The following COL14A1 variants were observed in gnomAD, a reference collection of about 807,000 sequenced individuals.
COL14A1 encodes the protein collagen alpha-1(XIV) chain.
COL14A1 carries 136 observed loss-of-function variants against 230.3 expected under a neutral mutation model. That is an observed-to-expected ratio of 0.59 (90% CI 0.51 to 0.68). COL14A1 has a LOEUF of 0.68. Ranked by LOEUF, COL14A1 falls within the 30% of genes least tolerant of loss-of-function variation. The pLI, the probability that COL14A1 is intolerant of heterozygous loss-of-function variation, is 0.00. For synonymous variants in COL14A1, 792 were observed against 784.1 expected, an observed-to-expected ratio of 1.01 and a Z score of -0.17; for missense variants, 1,976 against 2,215.8, an observed-to-expected ratio of 0.89 and a Z score of 2.17.
At chr8:120,240,031 G>A (rs1021165936) in intron 19 of COL14A1, among the ~76,000 whole-genome samples, 26 of 151,234 alleles carry the variant, frequency 1.7e-4, no homozygotes, top group South Asian at 1.7e-3. Context: ...AGTTTCTTTC[G>A]TTTCACACTG....
intron 1 of COL14A1, among the ~76,000 whole-genome samples, chr8:120,145,018 A>T (rs1258007194): frequency 2.6e-5 from 4 of 152,244 alleles, no homozygotes; most frequent in Non-Finnish European, 5.9e-5. Context: ...CTAAGTATAT[A>T]TGAGTTAAAA....
At chr8:120,299,856 T>A (rs139246329) in intron 35 of COL14A1, among the ~76,000 whole-genome samples, 70 of 152,298 alleles carry the variant, frequency 4.6e-4, no homozygotes, top group African/African-American at 1.6e-3. Flanking sequence ...GCAATTTAAC[T>A]GTCATCTGTG....
At chr8:120,281,467 A>C (rs916070715) in intron 31 of COL14A1, among the ~76,000 whole-genome samples, 3 of 151,092 alleles carry the variant, frequency 2.0e-5, no homozygotes, top group African/African-American at 7.3e-5. Flanking sequence ...CTGGAGACTG[A>C]GGTGGGAGGA....
intron 40 of COL14A1, among the ~76,000 whole-genome samples, chr8:120,324,210 C>T (rs1821571656): frequency 6.6e-6 from 1 of 151,098 alleles, no homozygotes; most frequent in Non-Finnish European, 1.5e-5. Flanking sequence ...CTCATGTACC[C>T]TGAACCTAAA....
At chr8:120,278,770 G>C (rs1457019568) in intron 28 of COL14A1, among the ~76,000 whole-genome samples, 192 bp downstream of exon 28, 1 of 151,894 alleles carries the variant, frequency 6.6e-6, no homozygotes, top group East Asian at 1.9e-4. Flanking sequence ...AGAGAAAATA[G>C]GTTATTTTCT....
At chr8:120,369,870 C>G (rs1043330255) in intron 47 of COL14A1, among the ~76,000 whole-genome samples, 2 of 152,166 alleles carry the variant, frequency 1.3e-5, no homozygotes, top group East Asian at 1.9e-4. Context: ...AAATTTTACT[C>G]TTGGTTTGGG....
intron 7 of COL14A1, among the ~76,000 whole-genome samples, 199 bp from the exon 8 acceptor site, chr8:120,199,203 T>A (rs1563667016): frequency 6.6e-6 from 1 of 152,202 alleles, no homozygotes; most frequent in Non-Finnish European, 1.5e-5. Flanking sequence ...AGTGTTTAAT[T>A]ATTTTCATTA....
intron 9 of COL14A1, among the ~76,000 whole-genome samples, chr8:120,206,414 G>T (rs907783969): frequency 1.3e-5 from 2 of 152,168 alleles, no homozygotes; most frequent in East Asian, 3.9e-4. Flanking sequence ...GCAGTGGCAC[G>T]ATCTCGGCTC....
chr8:120,280,234 G>T, intron 29 of COL14A1, 135 bp downstream of exon 29: 4 of 1,047,166 alleles, frequency 3.8e-6, no homozygotes, highest in Non-Finnish European at 5.5e-6. Context: ...TAGACATTAA[G>T]TTTTGTGGCT....
In COL14A1 at chr8:120,125,126, A is replaced by G. The variant is rs1465137790; in HGVS notation, c.-252A>G. On this transcript the variant is annotated 5_prime_UTR_variant, in exon 1 of 48. Coordinates refer to ENST00000297848, the MANE Select transcript of COL14A1 (RefSeq NM_021110.4). ...TCCTCTTATCTGATCCTGGGCTCCCAGCTGGAGAGGCGGAGGCAGCTCCAG... is the reference window on the plus strand; with the variant it reads ...TCCTCTTATCTGATCCTGGGCTCCCGGCTGGAGAGGCGGAGGCAGCTCCAG... 6.6e-6 allele frequency: 1 copy of G among 152,292 alleles called. No homozygotes were observed. Among genetic ancestry groups the G allele is most frequent in the Non-Finnish European group, 1.5e-5 (1 of 68,178 alleles). The allele number at this position is 152,292 out of a possible 1,614,324, so 9.4% of individuals were successfully genotyped here.
intron 31 of COL14A1, among the ~76,000 whole-genome samples, chr8:120,282,830 G>C (rs1481421746): frequency 6.6e-6 from 1 of 152,104 alleles, no homozygotes; most frequent in Non-Finnish European, 1.5e-5. Context: ...GGAAGTTGAT[G>C]AGGGTGTTCC....
intron 40 of COL14A1, among the ~76,000 whole-genome samples, chr8:120,322,578 T>C (rs1008893794): frequency 7.9e-5 from 12 of 152,082 alleles, no homozygotes; most frequent in Admixed American, 6.6e-4. Flanking sequence ...CCCAGTATGG[T>C]TTGTTTCCTT....
chr8:120,262,737 A>G, intron 23 of COL14A1, 131 bp from the exon 24 acceptor site: 2 of 798,452 alleles, frequency 2.5e-6, no homozygotes, highest in Non-Finnish European at 3.8e-6. Context: ...CTTCAAACAA[A>G]TATAACTCAT....
At chr8:120,164,751 C>T (rs1353262933) in intron 4 of COL14A1, among the ~76,000 whole-genome samples, 1 of 152,190 alleles carries the variant, frequency 6.6e-6, no homozygotes. Context: ...TCTCATTTTA[C>T]TGGCACTGCA....
intron 42 of COL14A1, among the ~76,000 whole-genome samples, chr8:120,340,037 C>CA (rs530829054): frequency 0.04 from 3,122 of 77,606 alleles, 195 homozygotes; most frequent in African/African-American, 0.13. Flanking sequence ...GACTGCGTCT[C>CA]AAAAAAAAAA....
chr8:120,316,957 C>T (rs868110792), intron 40 of COL14A1, among the ~76,000 whole-genome samples: 1 of 152,130 alleles, frequency 6.6e-6, no homozygotes, highest in Non-Finnish European at 1.5e-5. Context: ...AGCACAAATT[C>T]ATTTAAATCA....
At chr8:120,175,459 T>A (rs976013560) in intron 5 of COL14A1, among the ~76,000 whole-genome samples, 1 of 152,170 alleles carries the variant, frequency 6.6e-6, no homozygotes, top group South Asian at 2.1e-4. Flanking sequence ...ATGGATTTTT[T>A]AAAATACTGT....
chr8:120,362,097 G>A (rs924267561), intron 45 of COL14A1, among the ~76,000 whole-genome samples: 4 of 152,244 alleles, frequency 2.6e-5, no homozygotes, highest in South Asian at 2.1e-4. Context: ...ACTATAGCAA[G>A]CAAGACAAGA....
chr8:120,163,477 A>C (rs1815759820), intron 4 of COL14A1, among the ~76,000 whole-genome samples: 1 of 152,150 alleles, frequency 6.6e-6, no homozygotes, highest in African/African-American at 2.4e-5. Context: ...AAAATGGTCC[A>C]CACAGGCTGG....
Sources: allele counts gnomAD v4.1 joint callset (sites outside exome capture counted in the v4.1 genomes callset), GRCh38; gene constraint gnomAD v4.1.1; transcripts MANE v1.5; gene names NCBI Gene and HGNC (gene_info 2026-07-23, HGNC 2026-07-21).